Variants in GOPC observed in about 807,000 individuals in gnomAD.
GOPC encodes the protein Golgi-associated PDZ and coiled-coil motif-containing protein.
Under a neutral mutation model 51.2 loss-of-function variants are expected in GOPC, and 32 were observed. The ratio of observed to expected loss-of-function variants is 0.63; its 90% CI spans 0.47 to 0.84. The LOEUF is 0.84. Ranked by LOEUF, GOPC falls within the 40% of genes least tolerant of loss-of-function variation. The pLI, the probability that GOPC is intolerant of heterozygous loss-of-function variation, is 0.00. For missense variants in GOPC, 441 were observed against 555.5 expected (o/e 0.79, Z 2.07); for synonymous variants, 190 against 205.1 (o/e 0.93, Z 0.63).
intron 5 of GOPC, 152 bp downstream of exon 5, chr6:117,573,315 G>T: frequency 1.1e-6 from 1 of 870,216 alleles, no homozygotes; most frequent in Non-Finnish European, 1.7e-6. Flanking sequence ...TATGGGTGTT[G>T]AAACTTCATC....
chr6:117,567,147 A>G (rs781604639), intron 7 of GOPC, 113 bp from the exon 8 acceptor site: 3 of 632,808 alleles, frequency 4.7e-6, no homozygotes, highest in Non-Finnish European at 7.5e-6. Context: ...GAGATAGCTG[A>G]TTTCCAGAAA....
intron 1 of GOPC, among the ~76,000 whole-genome samples, chr6:117,582,763 A>T (rs1407591579): frequency 6.7e-6 from 1 of 149,782 alleles, no homozygotes; most frequent in African/African-American, 2.4e-5. Flanking sequence ...AGGATGGTCA[A>T]TGCAGAGAAT....
intron 1 of GOPC, among the ~76,000 whole-genome samples, chr6:117,586,857 G>T (rs759984311): frequency 1.8e-4 from 28 of 152,162 alleles, no homozygotes; most frequent in Non-Finnish European, 3.7e-4. Context: ...AGAAGAAAAT[G>T]TAACTAATGA....
At chr6:117,598,196 T>TAAAAAAAAA (rs532086597) in intron 1 of GOPC, among the ~76,000 whole-genome samples, 2 of 126,604 alleles carry the variant, frequency 1.6e-5, no homozygotes, top group East Asian at 2.3e-4. Flanking sequence ...CCATCTCTAC[T>TAAAAAAAAA]AAAAAAAAAA....
At chr6:117,594,380 G>A (rs1780162284) in intron 1 of GOPC, among the ~76,000 whole-genome samples, 1 of 152,106 alleles carries the variant, frequency 6.6e-6, no homozygotes, top group Non-Finnish European at 1.5e-5. Flanking sequence ...CCTCAGGGAA[G>A]CCTTCTCTGA....
intron 3 of GOPC, among the ~76,000 whole-genome samples, chr6:117,577,031 C>T (rs1042366770): frequency 1.3e-5 from 2 of 152,018 alleles, no homozygotes; most frequent in Admixed American, 1.3e-4. Context: ...AGTTGTAACG[C>T]AGTAGATGAA....
At chr6:117,586,499 G>C (rs1198445820) in intron 1 of GOPC, among the ~76,000 whole-genome samples, 1 of 34,276 alleles carries the variant, frequency 2.9e-5, no homozygotes, top group South Asian at 7.2e-4. Context: ...TTTTTTTTTT[G>C]AGATGGAGTC....
At chr6:117,567,073 T>C in intron 7 of GOPC, 39 bp from the exon 8 acceptor site, 1 of 1,449,994 alleles carries the variant, frequency 6.9e-7, no homozygotes, top group Non-Finnish European at 9.2e-7. Flanking sequence ...CAAGTTATTG[T>C]AATTGTAATT....
intron 1 of GOPC, among the ~76,000 whole-genome samples, chr6:117,579,466 A>G (rs1406026024): frequency 6.6e-6 from 1 of 152,104 alleles, no homozygotes; most frequent in African/African-American, 2.4e-5. Flanking sequence ...AGAAGATGTC[A>G]GTAAGTGAGT....
intron 1 of GOPC, among the ~76,000 whole-genome samples, chr6:117,582,704 A>AT (rs1286487064): frequency 6.7e-6 from 1 of 149,714 alleles, no homozygotes; most frequent in Non-Finnish European, 1.5e-5. Flanking sequence ...AGCCACTTTC[A>AT]TCACTCAATA....
At chr6:117,568,070 G>A (rs1025068455) in intron 7 of GOPC, among the ~76,000 whole-genome samples, 1 of 151,548 alleles carries the variant, frequency 6.6e-6, no homozygotes, top group East Asian at 1.9e-4. Context: ...ATGGTGGCAG[G>A]CATCTGTAGT....
At chr6:117,588,085 T>C (rs1163716988) in intron 1 of GOPC, among the ~76,000 whole-genome samples, 1 of 152,112 alleles carries the variant, frequency 6.6e-6, no homozygotes, top group African/African-American at 2.4e-5. Context: ...CTCACTATGT[T>C]GCTCAGGCTA....
intron 5 of GOPC, among the ~76,000 whole-genome samples, chr6:117,571,919 A>G (rs1008107646): frequency 1.3e-5 from 2 of 151,986 alleles, no homozygotes; most frequent in African/African-American, 2.4e-5. Context: ...TCCTTTAGTG[A>G]TCCTTTTCCT....
intron 3 of GOPC, 100 bp from the exon 4 acceptor site, chr6:117,575,452 T>A: frequency 1.1e-6 from 1 of 870,368 alleles, no homozygotes; most frequent in Non-Finnish European, 1.9e-6. Context: ...TTCAACAATG[T>A]ATCATCTCTA....
In GOPC at chr6:117,602,414, G is replaced by T; in HGVS notation, c.-126C>A. On this transcript the variant is annotated 5_prime_UTR_variant, in exon 1 of 9. Transcript: ENST00000368498. ...ACTCCGTCACCTCCCTTCACCTCGC[G>T]CCGTTAACGCCAGCAGCACAGTCAC... 1 of 875,280 alleles carries T rather than the reference G, an allele frequency of 1.1e-6. No homozygotes were observed. Among genetic ancestry groups the T allele is most frequent in the Non-Finnish European group, 1.7e-6 (1 of 588,576 alleles). 54.2% of individuals were successfully genotyped at this position (875,280 alleles called of 1,614,324 possible). A position where few individuals can be genotyped will look rare whatever the true frequency, so the allele number is the denominator to read the frequency against.
chr6:117,600,720 A>G (rs1366923011), intron 1 of GOPC, among the ~76,000 whole-genome samples: 5 of 152,244 alleles, frequency 3.3e-5, no homozygotes, highest in African/African-American at 1.2e-4. Context: ...CAATTTCACT[A>G]TCTGAGAAAA....
intron 7 of GOPC, among the ~76,000 whole-genome samples, chr6:117,568,561 A>G (rs1779744439): frequency 6.6e-6 from 1 of 152,218 alleles, no homozygotes; most frequent in African/African-American, 2.4e-5. Context: ...ACTTAAGAGA[A>G]TAGCGTAGCA....
At chr6:117,593,357 A>AC in intron 1 of GOPC, among the ~76,000 whole-genome samples, 1 of 151,756 alleles carries the variant, frequency 6.6e-6, no homozygotes, top group Middle Eastern at 3.2e-3. Flanking sequence ...AATATTAACT[A>AC]CCCCACTCTT....
At chr6:117,584,790 A>C (rs144704384) in intron 1 of GOPC, among the ~76,000 whole-genome samples, 1 of 152,012 alleles carries the variant, frequency 6.6e-6, no homozygotes, top group Non-Finnish European at 1.5e-5. Flanking sequence ...CAAATTCCTC[A>C]TGAATGGTTT....
Sources: gnomAD v4.1 joint callset for allele counts (sites outside exome capture counted in the v4.1 genomes callset) on GRCh38, gnomAD v4.1.1 for gene constraint, MANE v1.5 for transcripts, NCBI Gene and HGNC (gene_info 2026-07-23, HGNC 2026-07-21) for gene names.